The following PCCA variants were observed in gnomAD, a reference collection of about 807,000 sequenced individuals.
PCCA encodes the protein propionyl-CoA carboxylase subunit alpha, also known as propionyl-CoA carboxylase alpha chain, mitochondrial.
Under a neutral mutation model 101.3 loss-of-function variants are expected in PCCA, and 74 were observed. The ratio of observed to expected loss-of-function variants is 0.73; its 90% confidence interval spans 0.61 to 0.89. The LOEUF (loss-of-function observed/expected upper bound fraction) is 0.89. Among genes scored for constraint, PCCA ranks in the 40% least tolerant of loss-of-function variants. The pLI, the probability that PCCA is intolerant of heterozygous loss-of-function variation, is 0.00. For missense variants in PCCA, 891 were observed against 907.0 expected, an observed-to-expected ratio of 0.98 and a Z score of 0.23; for synonymous variants, 294 against 313.6, an observed-to-expected ratio of 0.94 and a Z score of 0.66.
intron 22 of PCCA, among the ~76,000 whole-genome samples, chr13:100,519,820 G>A (rs1335915546): frequency 2.6e-5 from 4 of 152,238 alleles, no homozygotes; most frequent in South Asian, 2.1e-4. Flanking sequence ...CCCTCCCGAC[G>A]GGTGTTTGCC....
chr13:100,094,540 G>A (rs1245434856), intron 1 of PCCA, among the ~76,000 whole-genome samples: 1 of 152,150 alleles, frequency 6.6e-6, no homozygotes, highest in East Asian at 1.9e-4. Flanking sequence ...ACAGTTTTGT[G>A]ATTTCATTCA....
At chr13:100,452,735 G>A (rs960203521) in intron 21 of PCCA, among the ~76,000 whole-genome samples, 12 of 152,134 alleles carry the variant, frequency 7.9e-5, no homozygotes, top group African/African-American at 2.9e-4. Flanking sequence ...TTCCTCACCT[G>A]GAAGTGATAA....
In PCCA at chr13:100,106,635, G is replaced by A. The variant is rs527585912; in HGVS notation, c.183+3675G>A. The stretch of plus-strand genomic sequence containing the variant: ...TCACCATGTTGGCCAGGCTGGTCTC[G>A]AACTCCTGACCTCAGGTGATCCACC... On this transcript the variant is annotated intron_variant, in intron 2 of 23. Coordinates refer to ENST00000376285, the MANE Select transcript of PCCA (RefSeq NM_000282.4). Among the ~76,000 whole-genome samples the A allele has an allele frequency of 7.2e-5, 11 of 152,012 alleles. No homozygotes were observed. The South Asian group carries it at 2.3e-3, about 32-fold the overall frequency.
At chr13:100,265,740 CCTT>C (rs1205862037) in intron 10 of PCCA, among the ~76,000 whole-genome samples, 2 of 152,086 alleles carry the variant, frequency 1.3e-5, no homozygotes, top group Admixed American at 6.6e-5. Context: ...CTCCCTCCCT[CCTT>C]CTTTCTGACA....
chr13:100,166,454 A>G (rs1214083719), intron 6 of PCCA, among the ~76,000 whole-genome samples: 1 of 152,070 alleles, frequency 6.6e-6, no homozygotes, highest in Non-Finnish European at 1.5e-5. Context: ...GTGCACCACC[A>G]TGCCCAGCTA....
At chr13:100,488,628 GTTTTGTTTTTT>G (rs563646993) in intron 21 of PCCA, among the ~76,000 whole-genome samples, 927 of 67,020 alleles carry the variant, frequency 0.014, 3 homozygotes, top group Middle Eastern at 0.071. Flanking sequence ...TTGTTTTTTT[GTTTTGTTTTTT>G]TTTTGTTTTT....
At chr13:100,395,368 A>C (rs999722528) in intron 19 of PCCA, among the ~76,000 whole-genome samples, 1 of 152,220 alleles carries the variant, frequency 6.6e-6, no homozygotes, top group Non-Finnish European at 1.5e-5. Context: ...AACTGTGGCA[A>C]TTTCTGAAAC....
intron 12 of PCCA, among the ~76,000 whole-genome samples, chr13:100,278,191 G>A (rs1418305135): frequency 6.6e-6 from 1 of 152,168 alleles, no homozygotes; most frequent in African/African-American, 2.4e-5. Context: ...GGGAAATCAT[G>A]TTTTTGGTTA....
intron 21 of PCCA, among the ~76,000 whole-genome samples, chr13:100,493,677 T>C (rs1224600688): frequency 6.6e-6 from 1 of 152,208 alleles, no homozygotes; most frequent in Non-Finnish European, 1.5e-5. Context: ...GTCATCTACA[T>C]GCTTGCAAAT....
intron 16 of PCCA, among the ~76,000 whole-genome samples, chr13:100,326,837 A>G (rs530394710): frequency 5.8e-4 from 88 of 152,274 alleles, no homozygotes; most frequent in South Asian, 2.1e-4. Flanking sequence ...TAATATATAT[A>G]ATATATAAAA....
chr13:100,504,034 G>C (rs1296980173), intron 21 of PCCA, among the ~76,000 whole-genome samples: 1 of 152,242 alleles, frequency 6.6e-6, no homozygotes, highest in Non-Finnish European at 1.5e-5. Flanking sequence ...CCGAAGGGGA[G>C]TGGGATTAGA....
At chr13:100,419,471 CAA>C (rs56795912) in intron 19 of PCCA, among the ~76,000 whole-genome samples, 36 of 112,834 alleles carry the variant, frequency 3.2e-4, no homozygotes, top group Admixed American at 4.9e-4. Flanking sequence ...GACTTTGTCT[CAA>C]AAAAAAAAAA....
chr13:100,338,347 G>A (rs2070805252), intron 17 of PCCA, among the ~76,000 whole-genome samples: 1 of 152,064 alleles, frequency 6.6e-6, no homozygotes, highest in African/African-American at 2.4e-5. Context: ...ATTACGTGTT[G>A]ACATGCATGA....
At chr13:100,170,255 A>C (rs2055502417) in intron 6 of PCCA, among the ~76,000 whole-genome samples, 1 of 152,178 alleles carries the variant, frequency 6.6e-6, no homozygotes, top group Non-Finnish European at 1.5e-5. Context: ...TCAGTTGGAA[A>C]GATTTTTGTT....
chr13:100,262,980 G>A, intron 10 of PCCA, 149 bp downstream of exon 10: 1 of 562,968 alleles, frequency 1.8e-6, no homozygotes, highest in Non-Finnish European at 3.1e-6. Flanking sequence ...GATGTTGGTT[G>A]GGATTGGGAA....
intron 21 of PCCA, among the ~76,000 whole-genome samples, chr13:100,508,362 G>T (rs950691614): frequency 1.3e-5 from 2 of 152,184 alleles, no homozygotes; most frequent in African/African-American, 4.8e-5. Context: ...TGAGATTGCT[G>T]CTCACTGCCG....
chr13:100,373,760 G>A (rs764778529), intron 19 of PCCA, among the ~76,000 whole-genome samples: 37 of 152,128 alleles, frequency 2.4e-4, no homozygotes, highest in Non-Finnish European at 4.7e-4. Context: ...TTTTATACGC[G>A]TTTTACCACA....
intron 12 of PCCA, among the ~76,000 whole-genome samples, chr13:100,275,315 C>T (rs552466343): frequency 6.6e-6 from 1 of 152,246 alleles, no homozygotes; most frequent in East Asian, 1.9e-4. Context: ...TTTCTGTTCG[C>T]TGTGCCGTGG....
At chr13:100,166,434 G>C (rs1217812561) in intron 6 of PCCA, among the ~76,000 whole-genome samples, 2 of 152,084 alleles carry the variant, frequency 1.3e-5, no homozygotes, top group Non-Finnish European at 2.9e-5. Context: ...AAGTAGCTGG[G>C]ATTACAGGTG....
Sources: allele counts gnomAD v4.1 joint callset (sites outside exome capture counted in the v4.1 genomes callset), GRCh38; gene constraint gnomAD v4.1.1; transcripts MANE v1.5; gene names NCBI Gene and HGNC (gene_info 2026-07-23, HGNC 2026-07-21).